The following TBX15 variants were observed in gnomAD, a reference collection of about 807,000 sequenced individuals.
The protein encoded by TBX15 is T-box transcription factor 15, also known as T-box transcription factor TBX15.
A neutral mutation model predicts 53.9 loss-of-function variants in TBX15; 18 were observed. The ratio of observed to expected loss-of-function variants is 0.33; its 90% CI spans 0.23 to 0.49. The LOEUF is 0.49. Ranked by LOEUF, TBX15 falls within the 20% of genes least tolerant of loss-of-function variation. TBX15 has a pLI of 0.98. For missense variants in TBX15, 692 were observed against 749.5 expected, an observed-to-expected ratio of 0.92 and a Z score of 0.90; for synonymous variants, 295 against 278.0, an observed-to-expected ratio of 1.06 and a Z score of -0.61.
chr1:118,952,993 G>A (rs1320074523), intron 1 of TBX15, among the ~76,000 whole-genome samples: 1 of 152,022 alleles, frequency 6.6e-6, no homozygotes, highest in Non-Finnish European at 1.5e-5. Context: ...AGGAAAAGAT[G>A]GCTGGAGGAA....
chr1:118,971,975 G>A (rs116339677), intron 1 of TBX15, among the ~76,000 whole-genome samples: 1,784 of 152,300 alleles, frequency 0.012, 28 homozygotes, highest in African/African-American at 0.038. Flanking sequence ...GTCAAGTCAG[G>A]TTACTTGGTG....
chr1:118,930,420 A>G (rs982719580), intron 2 of TBX15, among the ~76,000 whole-genome samples: 6 of 152,164 alleles, frequency 3.9e-5, no homozygotes, highest in East Asian at 3.9e-4. Context: ...TTGTTTGTTT[A>G]TTTATTTATT....
chr1:118,946,058 A>G (rs1345378536), intron 1 of TBX15, among the ~76,000 whole-genome samples: 2 of 152,200 alleles, frequency 1.3e-5, no homozygotes, highest in East Asian at 1.9e-4. Context: ...TGCAAATTAC[A>G]ATAAAGTATA....
At chr1:118,907,489 A>C (rs1333358660) in intron 6 of TBX15, among the ~76,000 whole-genome samples, 1 of 152,240 alleles carries the variant, frequency 6.6e-6, no homozygotes, top group Non-Finnish European at 1.5e-5. Flanking sequence ...CACCCTATCA[A>C]GGATGGCTTG....
intron 6 of TBX15, among the ~76,000 whole-genome samples, chr1:118,910,065 T>C (rs1779419): frequency 0.68 from 102,983 of 151,950 alleles, 35,931 homozygotes; most frequent in African/African-American, 0.8. Flanking sequence ...AGGAGAGTGT[T>C]GTGGGTGGCT....
chr1:118,968,869 A>G (rs1657140515), intron 1 of TBX15, among the ~76,000 whole-genome samples: 1 of 152,154 alleles, frequency 6.6e-6, no homozygotes, highest in South Asian at 2.1e-4. Flanking sequence ...GGAGGGAGAT[A>G]AAGACACCAG....
intron 6 of TBX15, among the ~76,000 whole-genome samples, chr1:118,901,208 G>C (rs1169091706): frequency 1.3e-5 from 2 of 152,178 alleles, no homozygotes; most frequent in Non-Finnish European, 2.9e-5. Context: ...TGGAGGCTGA[G>C]AAGTCCAAGA....
At chr1:118,957,359 C>G (rs1656725367) in intron 1 of TBX15, among the ~76,000 whole-genome samples, 1 of 152,180 alleles carries the variant, frequency 6.6e-6, no homozygotes, top group South Asian at 2.1e-4. Flanking sequence ...CTGGGTTTCT[C>G]TAGGGCAGGA....
chr1:118,895,414 G>A (rs1654388807), intron 7 of TBX15, among the ~76,000 whole-genome samples: 1 of 152,094 alleles, frequency 6.6e-6, no homozygotes, highest in Admixed American at 6.5e-5. Flanking sequence ...CTCGGTTTTG[G>A]CCACTCAAAT....
intron 1 of TBX15, among the ~76,000 whole-genome samples, chr1:118,981,501 T>G (rs1266762660): frequency 6.6e-6 from 1 of 152,206 alleles, no homozygotes. Context: ...ATAAAATAAA[T>G]AAAACACTAG....
intron 1 of TBX15, among the ~76,000 whole-genome samples, chr1:118,964,735 C>T (rs973334615): frequency 2.6e-5 from 4 of 152,238 alleles, no homozygotes; most frequent in Non-Finnish European, 4.4e-5. Flanking sequence ...AAGGCATATG[C>T]ACTGGGTCAA....
chr1:118,957,220 G>C (rs1442543154), intron 1 of TBX15, among the ~76,000 whole-genome samples: 1 of 152,162 alleles, frequency 6.6e-6, no homozygotes. Context: ...CCATGCACTT[G>C]ACAATAATCA....
At chr1:118,981,181 T>G (rs1428669954) in intron 1 of TBX15, among the ~76,000 whole-genome samples, 5 of 152,160 alleles carry the variant, frequency 3.3e-5, no homozygotes, top group Admixed American at 2.6e-4. Context: ...ACAAGTTAAA[T>G]GAAAATGCCC....
At chr1:118,921,840 G>A (rs1156778428) in intron 5 of TBX15, among the ~76,000 whole-genome samples, 2 of 152,104 alleles carry the variant, frequency 1.3e-5, no homozygotes, top group Non-Finnish European at 2.9e-5. Flanking sequence ...AATAAATGAA[G>A]TAAATAATTT....
At chr1:118,942,133 T>G (rs1656196402) in intron 1 of TBX15, among the ~76,000 whole-genome samples, 1 of 152,212 alleles carries the variant, frequency 6.6e-6, no homozygotes, top group African/African-American at 2.4e-5. Flanking sequence ...GGATTTTTTC[T>G]GGGCCTAATG....
chr1:118,924,907 A>G, intron 3 of TBX15, 90 bp from the exon 4 acceptor site: 2 of 1,376,096 alleles, frequency 1.5e-6, no homozygotes, highest in Non-Finnish European at 2.1e-6. Flanking sequence ...GGGAAAGGAG[A>G]GAAAAACAAA....
chr1:118,886,124 A>G (rs1653937688), intron 7 of TBX15, among the ~76,000 whole-genome samples: 1 of 152,170 alleles, frequency 6.6e-6, no homozygotes, highest in Non-Finnish European at 1.5e-5. Flanking sequence ...TTGAAGTTGC[A>G]TCACATAAAA....
chr1:118,941,910 A>G (rs558381152), intron 1 of TBX15, among the ~76,000 whole-genome samples: 2 of 152,300 alleles, frequency 1.3e-5, no homozygotes, highest in Non-Finnish European at 2.9e-5. Flanking sequence ...CCTTTGTTTT[A>G]TCATTTGTAA....
At chr1:118,893,140 G>C (rs1008015442) in intron 7 of TBX15, among the ~76,000 whole-genome samples, 1 of 151,756 alleles carries the variant, frequency 6.6e-6, no homozygotes, top group Non-Finnish European at 1.5e-5. Context: ...TCAGGAGGCT[G>C]AGGCAGGAGA....
Sources: gnomAD v4.1 joint callset for allele counts (sites outside exome capture counted in the v4.1 genomes callset) on GRCh38, gnomAD v4.1.1 for gene constraint, MANE v1.5 for transcripts, NCBI Gene and HGNC (gene_info 2026-07-23, HGNC 2026-07-21) for gene names.